Variants in MCTP1 observed in about 807,000 individuals in gnomAD.
MCTP1 encodes the protein multiple C2 and transmembrane domain-containing protein 1.
A neutral mutation model predicts 120.6 loss-of-function variants in MCTP1; 69 were observed. The observed-to-expected ratio is 0.57, with a 90% CI of 0.47 to 0.70. The LOEUF is 0.70. Among genes scored for constraint, MCTP1 ranks in the 30% least tolerant of loss-of-function variants. MCTP1 has a pLI of 0.00. For synonymous variants in MCTP1, 529 were observed against 493.1 expected (o/e 1.07, Z -0.96); for missense variants, 1,203 against 1,248.8 (o/e 0.96, Z 0.55).
intron 1 of MCTP1, among the ~76,000 whole-genome samples, chr5:95,069,523 C>T (rs1366242669): frequency 5.9e-5 from 9 of 151,892 alleles, no homozygotes; most frequent in African/African-American, 1.9e-4. Flanking sequence ...GTGACTTACC[C>T]GCAAGGGTGC....
At chr5:94,763,276 T>C (rs1271681831) in intron 19 of MCTP1, among the ~76,000 whole-genome samples, 1 of 152,240 alleles carries the variant, frequency 6.6e-6, no homozygotes, top group East Asian at 1.9e-4. Context: ...TAAAATTGTC[T>C]ATGATTCCTC....
In MCTP1 at chr5:95,090,402, C is replaced by T. The variant is rs573673019; in HGVS notation, c.721-72918G>A. On this transcript the variant is annotated intron_variant, in intron 1 of 22. Transcript: ENST00000515393. The stretch of plus-strand genomic sequence containing the variant: ...CACTCTTGAATATCTGTGAGCTGAT[C>T]CTTCTCAATCTTGTTTTCTTCTCCT... Among the ~76,000 whole-genome samples, 5 of 152,292 alleles carry T rather than the reference C, an allele frequency of 3.3e-5. No individual in the cohort carries two copies. The South Asian group carries it at 1.0e-3, about 32-fold the overall frequency.
rs1214736966 is a variant in MCTP1, at chr5:94,720,130, AAAAT to A, written c.2611-5248_2611-5245del. Reference sequence around the variant, plus strand: ...AACAAGAGCGAAACTCCTCTCAAAAAAAATAAATAAATAAAAATAAAATAAAAAT... The same window carrying A: ...AACAAGAGCGAAACTCCTCTCAAAAAAAATAAATAAAAATAAAATAAAAAT... On this transcript the variant is annotated intron_variant, in intron 19 of 22. Transcript: ENST00000515393. 8.5e-5 allele frequency among the ~76,000 whole-genome samples: 13 copies of A among 152,132 alleles called. No homozygotes were observed. The East Asian group carries it at 1.3e-3, about 16-fold the overall frequency.
chr5:94,888,047 T>G (rs549071496), intron 12 of MCTP1, among the ~76,000 whole-genome samples: 36 of 123,970 alleles, frequency 2.9e-4, no homozygotes, highest in African/African-American at 1.1e-3. Context: ...GTTGATATTT[T>G]CTTTCAGAAA....
At chr5:94,739,968 T>C (rs900483408) in intron 19 of MCTP1, among the ~76,000 whole-genome samples, 8 of 152,196 alleles carry the variant, frequency 5.3e-5, no homozygotes, top group African/African-American at 1.9e-4. Context: ...GTGCCCGGCC[T>C]GTTTAAGGTA....
chr5:95,132,040 C>T (rs1759082959), intron 1 of MCTP1, among the ~76,000 whole-genome samples: 1 of 152,146 alleles, frequency 6.6e-6, no homozygotes, highest in South Asian at 2.1e-4. Context: ...CATCATTTTT[C>T]AATGTGATTA....
chr5:95,071,980 A>G (rs1464441333), intron 1 of MCTP1, among the ~76,000 whole-genome samples: 1 of 152,190 alleles, frequency 6.6e-6, no homozygotes, highest in Non-Finnish European at 1.5e-5. Flanking sequence ...GATCCATGAG[A>G]AAAATAAATT....
intron 1 of MCTP1, among the ~76,000 whole-genome samples, chr5:95,136,029 T>C (rs141510842): frequency 2.0e-3 from 299 of 152,338 alleles, no homozygotes; most frequent in African/African-American, 6.9e-3. Flanking sequence ...GGTTTTAAAA[T>C]CTGTCCCTAA....
At chr5:95,165,034 A>G (rs1176381740) in intron 1 of MCTP1, among the ~76,000 whole-genome samples, 3 of 152,188 alleles carry the variant, frequency 2.0e-5, no homozygotes, top group Non-Finnish European at 4.4e-5. Context: ...CCCAGAAATG[A>G]CACTATTTGC....
At chr5:94,911,922 G>A (rs901788501) in intron 9 of MCTP1, among the ~76,000 whole-genome samples, 3 of 152,090 alleles carry the variant, frequency 2.0e-5, no homozygotes, top group Admixed American at 1.3e-4. Context: ...CTTTAAATGC[G>A]TAACATATAT....
intron 1 of MCTP1, among the ~76,000 whole-genome samples, chr5:95,063,302 A>C (rs1749750496): frequency 6.6e-6 from 1 of 152,180 alleles, no homozygotes; most frequent in Admixed American, 6.5e-5. Context: ...GAACTCAGGG[A>C]TCTTTTAATT....
In MCTP1 at chr5:95,101,651, C is replaced by A. The variant is rs193129954; in HGVS notation, c.721-84167G>T. On this transcript the variant is annotated intron_variant, in intron 1 of 22. Coordinates refer to ENST00000515393, the MANE Select transcript of MCTP1 (RefSeq NM_024717.7). ...GGGCTGCAGGCACATGTTCACCTGGCAGACAGAAAGAACGTAGAGAGTCAC... is the reference window on the plus strand; with the variant it reads ...GGGCTGCAGGCACATGTTCACCTGGAAGACAGAAAGAACGTAGAGAGTCAC... Among the ~76,000 whole-genome samples, 350 of 152,310 alleles carry A rather than the reference C, an allele frequency of 2.3e-3. 2 individuals carry two copies. The highest frequency in any genetic ancestry group is 8.2e-3 in the African/African-American group (339 of 41,568).
intron 19 of MCTP1, among the ~76,000 whole-genome samples, chr5:94,759,940 T>C (rs1420579667): frequency 7.0e-6 from 1 of 141,888 alleles, no homozygotes; most frequent in Non-Finnish European, 1.5e-5. Flanking sequence ...GTGACAGAGC[T>C]GGAATACTTA....
chr5:95,166,809 C>T (rs191443464), intron 1 of MCTP1, among the ~76,000 whole-genome samples: 45 of 152,066 alleles, frequency 3.0e-4, no homozygotes, highest in African/African-American at 9.9e-4. Flanking sequence ...CCTTGTGATC[C>T]GCCCGCCTCA....
chr5:95,017,354 C>A lies in MCTP1; in HGVS notation c.838+13G>T. On this transcript the variant is annotated intron_variant, in intron 2 of 22. Transcript: ENST00000515393. ...AAAAAAGCTTCTAGGTGATATTGCT[C>A]TTATGCTCTTACCTCCTCGATCTCG... 1 of 1,554,806 alleles carries A rather than the reference C, an allele frequency of 6.4e-7. No individual in the cohort carries two copies. The highest frequency in any genetic ancestry group is 1.2e-5 in the South Asian group (1 of 86,932).
intron 2 of MCTP1, among the ~76,000 whole-genome samples, chr5:94,971,268 C>T (rs12188624): frequency 0.34 from 50,826 of 151,718 alleles, 8,780 homozygotes; most frequent in Middle Eastern, 0.42. Context: ...AAAATTACCA[C>T]GTAGAACACC....
At chr5:94,909,046 T>C (rs1013886388) in intron 10 of MCTP1, among the ~76,000 whole-genome samples, 1 of 152,090 alleles carries the variant, frequency 6.6e-6, no homozygotes, top group African/African-American at 2.4e-5. Context: ...CAAATTCAGA[T>C]AGCCTGTGTC....
Position 94,936,087 on chromosome 5 carries a change from C to T in MCTP1, c.1173+3997G>A, listed in dbSNP as rs541483510. 7.2e-5 allele frequency among the ~76,000 whole-genome samples: 11 copies of T among 151,920 alleles called. No individual in the cohort carries two copies. In the South Asian group the frequency reaches 1.5e-3, roughly 20 times the overall value. On this transcript the variant is annotated intron_variant, in intron 5 of 22. Transcript: ENST00000515393. The stretch of plus-strand genomic sequence containing the variant: ...GGGTTTATAATTTATTGTCATCATT[C>T]GAATTCCATGGGAAGAGCAATAAGG...
intron 2 of MCTP1, among the ~76,000 whole-genome samples, chr5:94,966,817 C>T (rs1561940863): frequency 6.6e-6 from 1 of 151,614 alleles, no homozygotes; most frequent in Non-Finnish European, 1.5e-5. Flanking sequence ...ACAACAAAAC[C>T]AAGGATGTGG....
Sources: allele counts gnomAD v4.1 joint callset (sites outside exome capture counted in the v4.1 genomes callset), GRCh38; gene constraint gnomAD v4.1.1; transcripts MANE v1.5; gene names NCBI Gene and HGNC (gene_info 2026-07-23, HGNC 2026-07-21).